DCLK1: variants seen among roughly 807,000 people sequenced by gnomAD.
DCLK1 encodes doublecortin like kinase 1, also known as serine/threonine-protein kinase DCLK1.
In DCLK1, 16 loss-of-function variants were observed where a neutral mutation model predicts 86.2. The ratio of observed to expected loss-of-function variants is 0.19; its 90% CI spans 0.13 to 0.28. The LOEUF (loss-of-function observed/expected upper bound fraction) is 0.28, where lower values mean the gene tolerates loss of function less well. Among genes scored for constraint, DCLK1 ranks in the 10% least tolerant of loss-of-function variants. The pLI, the probability that DCLK1 is intolerant of heterozygous loss-of-function variation, is 1.00. For synonymous variants in DCLK1, 369 were observed against 370.5 expected (o/e 1.00, Z 0.05); for missense variants, 590 against 940.2 (o/e 0.63, Z 4.87).
At chr13:35,826,554 A>AGGAGG (rs1555342394) in intron 10 of DCLK1, among the ~76,000 whole-genome samples, 1 of 27,856 alleles carries the variant, frequency 3.6e-5, no homozygotes, top group African/African-American at 6.5e-5. Context: ...AAAGAAAGAA[A>AGGAGG]GAAAGAAACA....
intron 3 of DCLK1, among the ~76,000 whole-genome samples, chr13:36,102,686 C>T (rs1340525372): frequency 6.6e-6 from 1 of 152,192 alleles, no homozygotes; most frequent in South Asian, 2.1e-4. Context: ...GAATCAGACA[C>T]GTTTTGAAAA....
intron 3 of DCLK1, among the ~76,000 whole-genome samples, chr13:35,997,713 TC>T (rs1169026648): frequency 6.6e-6 from 1 of 152,022 alleles, no homozygotes; most frequent in Admixed American, 6.6e-5. Context: ...TAAAAGAACT[TC>T]CCCCCAAACC....
At chr13:35,784,377 CAAAAT>C (rs1349375169) in intron 16 of DCLK1, among the ~76,000 whole-genome samples, 1 of 152,088 alleles carries the variant, frequency 6.6e-6, no homozygotes, top group East Asian at 1.9e-4. Flanking sequence ...CCTCTGAAAA[CAAAAT>C]AAAAGAAAAT....
At chr13:35,797,534 A>G (rs1251732584) in intron 15 of DCLK1, among the ~76,000 whole-genome samples, 1 of 152,190 alleles carries the variant, frequency 6.6e-6, no homozygotes, top group Non-Finnish European at 1.5e-5. Flanking sequence ...ATTAGTTCAC[A>G]TTGAAGCAAT....
At chr13:36,128,751 A>G (rs935011611) in intron 1 of DCLK1, among the ~76,000 whole-genome samples, 1 of 140,590 alleles carries the variant, frequency 7.1e-6, no homozygotes, top group Non-Finnish European at 1.6e-5. Context: ...TTTCAAAAAC[A>G]GTTATATATA....
intron 5 of DCLK1, among the ~76,000 whole-genome samples, chr13:35,865,928 G>T (rs1047894880): frequency 6.6e-6 from 1 of 152,158 alleles, no homozygotes; most frequent in African/African-American, 2.4e-5. Flanking sequence ...GGCTTATGTT[G>T]CAAGGTGCTG....
At chr13:35,947,523 C>G in intron 3 of DCLK1, 66 bp from the exon 4 acceptor site, 6 of 1,324,090 alleles carry the variant, frequency 4.5e-6, no homozygotes, top group East Asian at 2.4e-5. Flanking sequence ...TGCAACCCCA[C>G]GAGCAGACAT....
chr13:36,045,377 T>TATATATATAC (rs568110221), intron 3 of DCLK1, among the ~76,000 whole-genome samples: 3 of 125,078 alleles, frequency 2.4e-5, no homozygotes, highest in African/African-American at 8.6e-5. Context: ...TATATATATA[T>TATATATATAC]TTCAAGGTAA....
At chr13:35,965,928 T>A (rs991623308) in intron 3 of DCLK1, among the ~76,000 whole-genome samples, 1 of 152,024 alleles carries the variant, frequency 6.6e-6, no homozygotes, top group South Asian at 2.1e-4. Flanking sequence ...ACAGGGAGAG[T>A]TCCTAGACAT....
chr13:36,014,432 T>C (rs542416576), intron 3 of DCLK1, among the ~76,000 whole-genome samples: 3 of 152,288 alleles, frequency 2.0e-5, no homozygotes, highest in South Asian at 4.1e-4. Context: ...TTACAGCCGA[T>C]AAAAACTGTT....
At chr13:35,818,434 T>G (rs538514873) in intron 11 of DCLK1, among the ~76,000 whole-genome samples, 1 of 152,314 alleles carries the variant, frequency 6.6e-6, no homozygotes, top group Admixed American at 6.5e-5. Flanking sequence ...GTTGCACGTG[T>G]CATTTTGATG....
chr13:35,938,089 G>A (rs1566611356), intron 4 of DCLK1, among the ~76,000 whole-genome samples: 1 of 152,186 alleles, frequency 6.6e-6, no homozygotes, highest in Non-Finnish European at 1.5e-5. Context: ...GAAAAGAAAG[G>A]AGACTTCATT....
intron 4 of DCLK1, among the ~76,000 whole-genome samples, chr13:35,904,686 G>A (rs552419799): frequency 7.9e-5 from 12 of 152,316 alleles, no homozygotes; most frequent in African/African-American, 2.9e-4. Context: ...CCTTGGGAGA[G>A]CCAGAAAGAT....
rs752881703 is a variant in DCLK1 at position 35,781,794 on chromosome 13, C to A, written c.2059-7095G>T. ...CTGCTGGGACATTAATCTCAGGAACCCTTTCTTTTGCTTACCCTTACTCTG... is the reference window on the plus strand; with the variant it reads ...CTGCTGGGACATTAATCTCAGGAACACTTTCTTTTGCTTACCCTTACTCTG... On this transcript the variant is annotated intron_variant, in intron 16 of 16. Coordinates refer to ENST00000360631, the MANE Select transcript of DCLK1 (RefSeq NM_001330071.2). 4.2e-4 allele frequency among the ~76,000 whole-genome samples: 64 copies of A among 152,130 alleles called. 1 individual carries two copies. The highest frequency in any genetic ancestry group is 7.9e-4 in the Admixed American group (12 of 15,266).
intron 3 of DCLK1, among the ~76,000 whole-genome samples, chr13:36,098,838 G>A (rs1181609944): frequency 2.6e-5 from 4 of 152,100 alleles, no homozygotes; most frequent in Admixed American, 6.5e-5. Context: ...ATAAAACTGA[G>A]GGCTAGGACA....
At chr13:35,810,276 G>A (rs764814249) in intron 12 of DCLK1, among the ~76,000 whole-genome samples, 2 of 152,162 alleles carry the variant, frequency 1.3e-5, no homozygotes, top group Non-Finnish European at 2.9e-5. Context: ...GCATATTGTG[G>A]GGTCTTAGTA....
intron 3 of DCLK1, among the ~76,000 whole-genome samples, chr13:36,084,411 A>C (rs1481554626): frequency 1.3e-5 from 2 of 152,220 alleles, no homozygotes; most frequent in Non-Finnish European, 2.9e-5. Flanking sequence ...CTATTTAAAA[A>C]ACACTTATGT....
At position 35,836,020 on chromosome 13, in the gene DCLK1, A is replaced by G. The variant is rs759387841; in HGVS notation, c.1229+13T>C. ...TAACCTTTAAGGTTTGATGCAAATG[A>G]TATCCTTCTCACCTTTCTACACATT... is the stretch of plus-strand genomic sequence containing the variant. On this transcript the variant is annotated intron_variant, in intron 8 of 16. Transcript: ENST00000360631. 2 of 1,556,488 alleles carry G rather than the reference A, an allele frequency of 1.3e-6. No homozygotes were observed. The highest frequency in any genetic ancestry group is 2.2e-5 in the East Asian group (1 of 44,502).
chr13:35,910,499 C>CT (rs1874952607), intron 4 of DCLK1, among the ~76,000 whole-genome samples: 2 of 152,190 alleles, frequency 1.3e-5, no homozygotes, highest in African/African-American at 4.8e-5. Flanking sequence ...ATTTCTTTCC[C>CT]TTTTTTCCTT....
Sources: allele counts gnomAD v4.1 joint callset (sites outside exome capture counted in the v4.1 genomes callset), GRCh38; gene constraint gnomAD v4.1.1; transcripts MANE v1.5; gene names NCBI Gene and HGNC (gene_info 2026-07-23, HGNC 2026-07-21).